The following CNTN6 variants were observed in gnomAD, a reference collection of about 807,000 sequenced individuals.
CNTN6 encodes the protein contactin-6.
A neutral mutation model predicts 122.8 loss-of-function variants in CNTN6; 137 were observed. The ratio of observed to expected loss-of-function variants is 1.12; its 90% CI spans 0.97 to 1.29. CNTN6 has a LOEUF of 1.29. CNTN6 is among the 50% of genes most tolerant of loss of function. The probability of loss-of-function intolerance (pLI) is 0.00; values close to 1 mark genes in which losing one functional copy is unlikely to be tolerated. For synonymous variants in CNTN6, 570 were observed against 426.0 expected, an observed-to-expected ratio of 1.34 and a Z score of -4.16; for missense variants, 1,634 against 1,223.4, an observed-to-expected ratio of 1.34 and a Z score of -5.01.
intron 1 of CNTN6, among the ~76,000 whole-genome samples, chr3:1,134,018 A>C (rs1292273016): frequency 6.6e-6 from 1 of 151,840 alleles, no homozygotes; most frequent in African/African-American, 2.4e-5. Flanking sequence ...TTTTCAGACT[A>C]ATTCCAAATA....
rs374845563 is a variant in CNTN6 at position 1,325,882 on chromosome 3, A to T, written c.1014A>T (p.Glu338Asp). ...CTATCTATGACAACTTGCTCTGGGA[A>T]TGTAAAGCTAGTGGAAAGCCAAACC... ...HLSIYDNLLW[E>D]CKASGKPNPW... The change falls in exon 9 of 23, where the codon GAA becomes GAT. Residue 338 changes from glutamate (E) to aspartate (D), a missense_variant. By Grantham distance (45) the Glu-to-Asp change is conservative. Transcript: ENST00000446702. The T allele has an allele frequency of 6.8e-6, 11 of 1,611,696 alleles. No homozygotes were observed. Among genetic ancestry groups the T allele is most frequent in the African/African-American group, 1.3e-5 (1 of 74,712 alleles).
chr3:1,245,306 A>ATAACATATATATATAT (rs2094563618), intron 4 of CNTN6, among the ~76,000 whole-genome samples: 1 of 10,028 alleles, frequency 1.0e-4, no homozygotes, highest in Non-Finnish European at 1.7e-4. Flanking sequence ...ATATATATAT[A>ATAACATATATATATAT]TATATATATA....
At chr3:1,198,168 ACTGC>A (rs2093805815) in intron 2 of CNTN6, among the ~76,000 whole-genome samples, 1 of 152,154 alleles carries the variant, frequency 6.6e-6, no homozygotes, top group Non-Finnish European at 1.5e-5. Context: ...CTCTCAAAGA[ACTGC>A]CTATTAATAA....
At chr3:1,144,788 C>T (rs2092689705) in intron 1 of CNTN6, among the ~76,000 whole-genome samples, 2 of 151,822 alleles carry the variant, frequency 1.3e-5, no homozygotes, top group Non-Finnish European at 2.9e-5. Flanking sequence ...CACAGTAACA[C>T]TCAGATACAG....
At chr3:1,200,850 C>T (rs1410018694) in intron 2 of CNTN6, among the ~76,000 whole-genome samples, 1 of 152,034 alleles carries the variant, frequency 6.6e-6, no homozygotes, top group African/African-American at 2.4e-5. Context: ...CTAAATACTC[C>T]TTTATTTCTC....
At chr3:1,114,675 G>T (rs1213986377) in intron 1 of CNTN6, among the ~76,000 whole-genome samples, 1 of 152,130 alleles carries the variant, frequency 6.6e-6, no homozygotes. Flanking sequence ...ATTGATGATG[G>T]TCAAGGAAGA....
At chr3:1,169,954 G>T (rs2093329516) in intron 2 of CNTN6, among the ~76,000 whole-genome samples, 1 of 152,028 alleles carries the variant, frequency 6.6e-6, no homozygotes, top group South Asian at 2.1e-4. Flanking sequence ...GAATACTTTC[G>T]CCGGTTGCGG....
At chr3:1,151,970 A>T (rs1352310154) in intron 2 of CNTN6, among the ~76,000 whole-genome samples, 1 of 152,180 alleles carries the variant, frequency 6.6e-6, no homozygotes, top group African/African-American at 2.4e-5. Context: ...GTTACTGAAA[A>T]ATCTACATTT....
chr3:1,291,615 A>G (rs1229794897), intron 5 of CNTN6, among the ~76,000 whole-genome samples: 3 of 152,216 alleles, frequency 2.0e-5, no homozygotes, highest in African/African-American at 7.2e-5. Flanking sequence ...GGTTCAAAAG[A>G]TGAGGAGTCA....
chr3:1,224,669 G>T (rs560641916), intron 3 of CNTN6, among the ~76,000 whole-genome samples: 3 of 151,922 alleles, frequency 2.0e-5, no homozygotes, highest in East Asian at 3.9e-4. Flanking sequence ...GCACAAGCGC[G>T]CACACATGCA....
In CNTN6 at chr3:1,205,127, A is replaced by G. The variant is rs1345154415; in HGVS notation, c.56-15560A>G. Among the ~76,000 whole-genome samples the G allele has an allele frequency of 3.3e-5, 5 of 152,156 alleles. No homozygotes were observed. The East Asian group carries it at 9.6e-4, about 29-fold the overall frequency. ...GACTCAACATGCTGTTCCTGATTTT[A>G]AAGATAGAGAAAGGTGTCCACAATC... is the stretch of plus-strand genomic sequence containing the variant. On this transcript the variant is annotated intron_variant, in intron 2 of 22. Transcript: ENST00000446702.
At chr3:1,171,117 T>C (rs2093351081) in intron 2 of CNTN6, among the ~76,000 whole-genome samples, 1 of 152,188 alleles carries the variant, frequency 6.6e-6, no homozygotes, top group Non-Finnish European at 1.5e-5. Flanking sequence ...ACTCCAACAC[T>C]GGGAAATTTG....
intron 2 of CNTN6, among the ~76,000 whole-genome samples, chr3:1,207,029 C>T (rs549662573): frequency 6.6e-6 from 1 of 152,208 alleles, no homozygotes; most frequent in South Asian, 2.1e-4. Context: ...ATCCGATGAT[C>T]TTCAAATGCA....
chr3:1,314,443 C>A (rs928298409), intron 7 of CNTN6, among the ~76,000 whole-genome samples: 4 of 152,036 alleles, frequency 2.6e-5, no homozygotes, highest in African/African-American at 4.8e-5. Flanking sequence ...CTTAGTATGG[C>A]TTGGATTTAA....
At chr3:1,382,444 G>T (rs1309014696) in intron 17 of CNTN6, among the ~76,000 whole-genome samples, 1 of 152,056 alleles carries the variant, frequency 6.6e-6, no homozygotes, top group Non-Finnish European at 1.5e-5. Context: ...ATGATGGGAG[G>T]TCTTTTATAC....
chr3:1,109,788 C>T (rs2091395456), intron 1 of CNTN6, among the ~76,000 whole-genome samples: 1 of 152,038 alleles, frequency 6.6e-6, no homozygotes, highest in South Asian at 2.1e-4. Context: ...TATACACACT[C>T]ATATTTTGTG....
chr3:1,297,113 T>C (rs1420933920), intron 6 of CNTN6, among the ~76,000 whole-genome samples: 1 of 152,182 alleles, frequency 6.6e-6, no homozygotes, highest in Non-Finnish European at 1.5e-5. Context: ...CTTTGAATGT[T>C]TATAATGATC....
intron 1 of CNTN6, among the ~76,000 whole-genome samples, chr3:1,143,041 A>G (rs1476415922): frequency 6.9e-6 from 1 of 144,260 alleles, no homozygotes. Flanking sequence ...TCATCAACCA[A>G]CATCTCTGTT....
chr3:1,211,870 A>C (rs1417982895), intron 2 of CNTN6, among the ~76,000 whole-genome samples: 3 of 152,184 alleles, frequency 2.0e-5, no homozygotes, highest in Non-Finnish European at 4.4e-5. Context: ...CTTCTCATCC[A>C]GTCAGCCATG....
Sources: allele counts gnomAD v4.1 joint callset (sites outside exome capture counted in the v4.1 genomes callset), GRCh38; gene constraint gnomAD v4.1.1; transcripts MANE v1.5; gene names NCBI Gene and HGNC (gene_info 2026-07-23, HGNC 2026-07-21).